The following DBR1 variants were observed in gnomAD, a reference collection of about 807,000 sequenced individuals.
DBR1 encodes the protein debranching RNA lariats 1, also known as lariat debranching enzyme.
DBR1 carries 33 observed loss-of-function variants against 45.9 expected under a neutral mutation model. The ratio of observed to expected loss-of-function variants is 0.72; its 90% CI spans 0.55 to 0.96. DBR1 has a LOEUF of 0.96. DBR1 is among the 40% of genes least tolerant of loss of function. The pLI, the probability that DBR1 is intolerant of heterozygous loss-of-function variation, is 0.00. For synonymous variants in DBR1, 235 were observed against 235.9 expected (o/e 1.00, Z 0.04); for missense variants, 619 against 667.4 (o/e 0.93, Z 0.80).
chr3:138,171,871 C>T (rs2042957218), intron 2 of DBR1, among the ~76,000 whole-genome samples, 158 bp from the exon 3 acceptor site: 1 of 152,116 alleles, frequency 6.6e-6, no homozygotes, highest in South Asian at 2.1e-4. Flanking sequence ...AATATGCCAA[C>T]AGTGTATTAG....
chr3:138,168,084 T>C (rs991540933), intron 4 of DBR1, among the ~76,000 whole-genome samples: 3 of 152,154 alleles, frequency 2.0e-5, no homozygotes, highest in African/African-American at 4.8e-5. Context: ...GCTCACATAG[T>C]ATACACTAAA....
Position 138,174,670 on chromosome 3 carries a change from C to T in DBR1, c.126G>A (p.Ala42=). 3 of 1,612,760 alleles carry T rather than the reference C, an allele frequency of 1.9e-6. No individual in the cohort carries two copies. The highest frequency in any genetic ancestry group is 2.5e-6 in the Non-Finnish European group (3 of 1,179,568). Residue 42 remains alanine, a synonymous_variant, in exon 1 of 8, where the codon GCG becomes GCA. Transcript: ENST00000260803. ...AGCGTAGATCCGCCTCGTTGCGCAC[C>T]GCCTGGAAGTCGCCGCAGCACAGCA... is the stretch of plus-strand genomic sequence containing the variant. ...DLLLCCGDFQ[A]VRNEADLRCM... is the part of the protein sequence containing the mutation.
At chr3:138,170,339 G>T in intron 3 of DBR1, 147 bp from the exon 4 acceptor site, 1 of 559,190 alleles carries the variant, frequency 1.8e-6, no homozygotes, top group Non-Finnish European at 3.1e-6. Context: ...TTAAAAAGAT[G>T]GTGGACTGCA....
intron 4 of DBR1, 76 bp from the exon 5 acceptor site, chr3:138,167,381 A>G (rs1339311625): frequency 1.0e-6 from 1 of 954,744 alleles, no homozygotes; most frequent in African/African-American, 1.7e-5. Context: ...CCTTCTCTCT[A>G]CCACCATACA....
At chr3:138,165,685 C>T (rs545306844) in intron 5 of DBR1, among the ~76,000 whole-genome samples, 276 of 151,178 alleles carry the variant, frequency 1.8e-3, no homozygotes, top group African/African-American at 6.5e-3. Flanking sequence ...GTGGAGATCG[C>T]GCCACTGCAC....
chr3:138,174,853 G>A lies in DBR1; in HGVS notation c.-58C>T. ...AACGCCCTACACCACAGCCAGCCCA[G>A]GACCGACTGATCGCTCAGCTCCCGC... On this transcript the variant is annotated 5_prime_UTR_variant, in exon 1 of 8. Coordinates refer to ENST00000260803, the MANE Select transcript of DBR1 (RefSeq NM_016216.4). 6.5e-7 allele frequency: 1 copy of A among 1,535,682 alleles called. No individual in the cohort carries two copies. Among genetic ancestry groups the A allele is most frequent in the South Asian group, 1.2e-5 (1 of 84,846 alleles).
chr3:138,172,843 T>C (rs1051898640), intron 2 of DBR1, among the ~76,000 whole-genome samples: 3 of 152,048 alleles, frequency 2.0e-5, no homozygotes, highest in African/African-American at 7.2e-5. Flanking sequence ...GACAACCAAA[T>C]GAAATGGGCT....
At chr3:138,165,004 T>C (rs1559882720) in intron 5 of DBR1, among the ~76,000 whole-genome samples, 3 of 151,592 alleles carry the variant, frequency 2.0e-5, no homozygotes, top group Non-Finnish European at 2.9e-5. Context: ...TTTTCAAAAG[T>C]GAATTGACAG....
chr3:138,163,557 A>G, intron 6 of DBR1, 63 bp from the exon 7 acceptor site: 1 of 874,478 alleles, frequency 1.1e-6, no homozygotes. Context: ...TCACTTTAAT[A>G]TAATTTAATA....
chr3:138,167,426 T>A (rs2042935565), intron 4 of DBR1, 121 bp from the exon 5 acceptor site: 2 of 689,768 alleles, frequency 2.9e-6, no homozygotes, highest in Admixed American at 6.1e-5. Flanking sequence ...GAATTCTGTA[T>A]AATTCATTCT....
Position 138,171,679 on chromosome 3 carries a change from C to G in DBR1, c.357G>C (p.Arg119Ser). 6.2e-7 allele frequency: 1 copy of G among 1,613,560 alleles called. No homozygotes were observed. The highest frequency in any genetic ancestry group is 8.5e-7 in the Non-Finnish European group (1 of 1,179,682). Residue 119 changes from arginine to serine, a missense_variant, in exon 3 of 8, where the codon AGG becomes AGC. By Grantham distance (110) the Arg-to-Ser change is moderately radical. This residue lies in a region of DBR1 where 430 missense variants were observed against 447.7 expected (regional missense o/e 0.96). Coordinates refer to ENST00000260803, the MANE Select transcript of DBR1 (RefSeq NM_016216.4). ...TAAAGATACCAGAGATTCCACCGAT[C>G]CTTACACCTCGGTATTTTACCACAC... ...LAGVVKYRGV[R>S]IGGISGIFKS...
intron 5 of DBR1, among the ~76,000 whole-genome samples, chr3:138,165,455 C>T (rs755297758): frequency 2.6e-5 from 4 of 151,404 alleles, no homozygotes; most frequent in African/African-American, 7.3e-5. Flanking sequence ...CATGGCCAGG[C>T]GCGGTGGCTC....
At chr3:138,164,073 C>T in intron 5 of DBR1, 3 of 370,584 alleles carry the variant, frequency 8.1e-6, no homozygotes, top group Non-Finnish European at 9.9e-6. Context: ...AATTTCCATA[C>T]AAAATTCAAG....
At position 138,174,887 on chromosome 3, in the gene DBR1, A is replaced by C; in HGVS notation, c.-92T>G. 7.9e-7 allele frequency: 1 copy of C among 1,269,670 alleles called. No homozygotes were observed. Among genetic ancestry groups the C allele is most frequent in the Non-Finnish European group, 1.1e-6 (1 of 915,670 alleles). 78.7% of individuals were successfully genotyped at this position (1,269,670 alleles called of 1,614,324 possible). On this transcript the variant is annotated 5_prime_UTR_variant, in exon 1 of 8. Coordinates refer to ENST00000260803, the MANE Select transcript of DBR1 (RefSeq NM_016216.4). ...GATCGCTCAGCTCCCGCCAACTTTA[A>C]TAAGTATAGCCACCGCCTGGGTGTA... is the stretch of plus-strand genomic sequence containing the variant.
intron 5 of DBR1, 173 bp from the exon 6 acceptor site, chr3:138,164,031 A>G (rs2042919450): frequency 2.2e-6 from 1 of 447,240 alleles, no homozygotes; most frequent in Non-Finnish European, 4.0e-6. Flanking sequence ...CTTGTGTGAT[A>G]AAAGAGAAGG....
At position 138,167,164 on chromosome 3, in the gene DBR1, A is replaced by T. The variant is rs1451972114; in HGVS notation, c.631T>A (p.Ser211Thr). Residue 211 changes from serine to threonine, a missense_variant, in exon 5 of 8, where the codon TCA (serine) becomes ACA (threonine). Transcript: ENST00000260803. ...ENNTLGSPAA[S>T]ELLEHLKPTY... ...GGTTTGAGATGCTCTAAAAGCTCTG[A>T]GGCAGCTGGACTTCCTAATGTGTTA... is the stretch of plus-strand genomic sequence containing the variant. The T allele has an allele frequency of 6.2e-7, 1 of 1,614,208 alleles. No individual in the cohort carries two copies. The highest frequency in any genetic ancestry group is 1.7e-5 in the Admixed American group (1 of 60,022).
chr3:138,173,876 A>C (rs907761764), intron 1 of DBR1, among the ~76,000 whole-genome samples: 2 of 151,932 alleles, frequency 1.3e-5, no homozygotes, highest in Non-Finnish European at 2.9e-5. Flanking sequence ...GTCTCTACTA[A>C]AAATGCAAAA....
chr3:138,161,901 GTCATCA>G lies in DBR1; in HGVS notation c.1617_1622del (p.Asp541_Asp542del). 6.3e-7 allele frequency: 1 copy of G among 1,593,520 alleles called. No homozygotes were observed. Among genetic ancestry groups the G allele is most frequent in the South Asian group, 1.1e-5 (1 of 89,928 alleles). On this transcript the variant is annotated inframe_deletion, in exon 8 of 8. Transcript: ENST00000260803. Reference sequence around the variant, plus strand: ...CAAGTAAATCATCTTAAGCTGCATCGTCATCATCATCATCCACTGCAGCGTAAATGG... The same window carrying G: ...CAAGTAAATCATCTTAAGCTGCATCGTCATCATCCACTGCAGCGTAAATGG...
rs1014410707 is a variant in DBR1 at position 138,161,856 on chromosome 3, A to C, written c.*33T>G. ...AGTGAAACTCCATCTCAAAAAAACA[A>C]AACAAACACAAAAACAAAACAAGTA... On this transcript the variant is annotated 3_prime_UTR_variant, in exon 8 of 8. Coordinates refer to ENST00000260803, the MANE Select transcript of DBR1 (RefSeq NM_016216.4). 1 of 1,572,570 alleles carries C rather than the reference A, an allele frequency of 6.4e-7. No homozygotes were observed. The highest frequency in any genetic ancestry group is 8.7e-7 in the Non-Finnish European group (1 of 1,146,166).
Sources: gnomAD v4.1 joint callset for allele counts (sites outside exome capture counted in the v4.1 genomes callset) on GRCh38, gnomAD v4.1.1 for gene constraint, gnomAD v4.1.1 regional missense constraint, MANE v1.5 for transcripts, NCBI Gene and HGNC (gene_info 2026-07-23, HGNC 2026-07-21) for gene names.